The following BTBD16 variants were observed in gnomAD, a reference collection of about 807,000 sequenced individuals.
BTBD16 encodes the protein BTB/POZ domain-containing protein 16.
A neutral mutation model predicts 67.4 loss-of-function variants in BTBD16; 66 were observed. That is an observed-to-expected ratio of 0.98 (90% CI 0.80 to 1.20). BTBD16 has a LOEUF of 1.20. BTBD16 is among the 50% of genes most tolerant of loss of function. BTBD16 has a pLI of 0.00. For missense variants in BTBD16, 634 were observed against 616.0 expected (o/e 1.03, Z -0.31); for synonymous variants, 242 against 236.4 (o/e 1.02, Z -0.22).
chr10:122,335,020 C>A, intron 14 of BTBD16, 41 bp downstream of exon 14: 1 of 948,114 alleles, frequency 1.1e-6, no homozygotes, highest in Non-Finnish European at 1.6e-6. Context: ...CTGAGACAGT[C>A]TTTTAGAGTT....
In BTBD16 at chr10:122,301,707, A is replaced by G. The variant is rs373617372; in HGVS notation, c.791+2573A>G. 3.9e-5 allele frequency among the ~76,000 whole-genome samples: 6 copies of G among 152,320 alleles called. No individual in the cohort carries two copies. In the East Asian group the frequency reaches 1.2e-3, roughly 29 times the overall value. On this transcript the variant is annotated intron_variant, in intron 9 of 15. Coordinates refer to ENST00000260723, the MANE Select transcript of BTBD16 (RefSeq NM_144587.5). ...GCTGCTGGCCGGTGGATTTGGCACCATGACCCACAGCTGTTTCAGAATGCA... is the reference window on the plus strand; with the variant it reads ...GCTGCTGGCCGGTGGATTTGGCACCGTGACCCACAGCTGTTTCAGAATGCA...
At chr10:122,331,116 G>A in intron 11 of BTBD16, 60 bp from the exon 12 acceptor site, 1 of 1,572,340 alleles carries the variant, frequency 6.4e-7, no homozygotes, top group Non-Finnish European at 8.6e-7. Flanking sequence ...CTGTAAATGA[G>A]ACTTTTGAGG....
intron 7 of BTBD16, among the ~76,000 whole-genome samples, chr10:122,294,893 C>A (rs534831121): frequency 6.6e-6 from 1 of 152,370 alleles, no homozygotes; most frequent in African/African-American, 2.4e-5. Context: ...CCAAGCCCAG[C>A]TAGTGCTCCC....
intron 8 of BTBD16, among the ~76,000 whole-genome samples, chr10:122,298,365 C>T (rs1002481163): frequency 3.9e-5 from 6 of 152,142 alleles, no homozygotes; most frequent in Admixed American, 3.9e-4. Context: ...CTCCCATCAT[C>T]GCGTCCTCCC....
intron 12 of BTBD16, chr10:122,332,075 C>T (rs945308867): frequency 5.1e-5 from 10 of 195,732 alleles, no homozygotes; most frequent in African/African-American, 1.4e-4. Flanking sequence ...TCTCCAATTC[C>T]GCTCCCTCTC....
rs544900483 is a variant in BTBD16, at chr10:122,330,750, T to C, written c.1004-426T>C. 1.6e-4 allele frequency among the ~76,000 whole-genome samples: 25 copies of C among 152,278 alleles called. No homozygotes were observed. In the South Asian group the frequency reaches 4.8e-3, roughly 29 times the overall value. ...TTTGTTTTGTTTTGTTTTTTTGAGA[T>C]GGAGTTTCACTCTGTCCCCCAAGGC... is the stretch of plus-strand genomic sequence containing the variant. On this transcript the variant is annotated intron_variant, in intron 11 of 15. Coordinates refer to ENST00000260723, the MANE Select transcript of BTBD16 (RefSeq NM_144587.5).
chr10:122,277,257 A>C (rs2096342851), intron 3 of BTBD16, among the ~76,000 whole-genome samples: 1 of 149,902 alleles, frequency 6.7e-6, no homozygotes, highest in African/African-American at 2.5e-5. Flanking sequence ...TTTTTTGACA[A>C]ACAAAACTTA....
Position 122,289,964 on chromosome 10 carries a change from C to T in BTBD16, c.441C>T (p.Ser147=). 1.9e-6 allele frequency: 3 copies of T among 1,613,670 alleles called. No individual in the cohort carries two copies. Among genetic ancestry groups the T allele is most frequent in the Non-Finnish European group, 1.7e-6 (2 of 1,179,792 alleles). The change falls in exon 6 of 16, where the codon TCC becomes TCT. Residue 147 remains serine, a synonymous_variant. Transcript: ENST00000260723. ...EKSPAKRIII[S]LKINDPLVTK... ...CCCCTGCAAAGAGGATCATCATTTC[C>T]TTGAAGATCAATGACCCACTGGTCA...
intron 3 of BTBD16, among the ~76,000 whole-genome samples, chr10:122,279,879 C>T (rs1212256870): frequency 6.6e-6 from 1 of 152,126 alleles, no homozygotes; most frequent in Non-Finnish European, 1.5e-5. Flanking sequence ...TCTTGAGTTA[C>T]GGAAAGGGTC....
chr10:122,309,650 A>T (rs998612464), intron 10 of BTBD16, among the ~76,000 whole-genome samples: 1 of 151,818 alleles, frequency 6.6e-6, no homozygotes, highest in Non-Finnish European at 1.5e-5. Flanking sequence ...GCCTAAAATT[A>T]TTATTTGTAG....
intron 10 of BTBD16, among the ~76,000 whole-genome samples, chr10:122,313,608 T>C (rs991587828): frequency 1.3e-5 from 2 of 152,218 alleles, no homozygotes; most frequent in African/African-American, 4.8e-5. Flanking sequence ...CAGTGCCATG[T>C]GGATATTCTC....
chr10:122,324,637 T>C (rs2096441203), intron 10 of BTBD16, among the ~76,000 whole-genome samples: 1 of 152,186 alleles, frequency 6.6e-6, no homozygotes, highest in African/African-American at 2.4e-5. Flanking sequence ...GGGAGGTTGG[T>C]ATATTCTGGG....
At chr10:122,314,760 G>C (rs1057114165) in intron 10 of BTBD16, among the ~76,000 whole-genome samples, 12 of 151,934 alleles carry the variant, frequency 7.9e-5, no homozygotes, top group Admixed American at 7.2e-4. Context: ...ACATTCTCTT[G>C]TATGTTTTCT....
At chr10:122,298,283 C>A (rs941309497) in intron 8 of BTBD16, among the ~76,000 whole-genome samples, 1 of 152,166 alleles carries the variant, frequency 6.6e-6, no homozygotes, top group East Asian at 1.9e-4. Flanking sequence ...AAAGCCCAGG[C>A]CTCCTGACTT....
chr10:122,336,732 C>T, intron 15 of BTBD16, 50 bp downstream of exon 15: 4 of 1,477,160 alleles, frequency 2.7e-6, no homozygotes, highest in Non-Finnish European at 3.6e-6. Flanking sequence ...CTCTTTCTCT[C>T]CCCCATCCTT....
intron 10 of BTBD16, among the ~76,000 whole-genome samples, chr10:122,314,359 C>T (rs1200719343): frequency 6.6e-6 from 1 of 152,028 alleles, no homozygotes; most frequent in African/African-American, 2.4e-5. Flanking sequence ...AAAAAATTAG[C>T]TGGGCATGGT....
chr10:122,292,522 C>T (rs17103355), intron 7 of BTBD16, among the ~76,000 whole-genome samples: 2,311 of 152,352 alleles, frequency 0.015, 57 homozygotes, highest in African/African-American at 0.053. Context: ...TTCCACTTCG[C>T]TTGGGTGAGG....
At chr10:122,297,143 G>A (rs187082141) in intron 7 of BTBD16, among the ~76,000 whole-genome samples, 6 of 152,338 alleles carry the variant, frequency 3.9e-5, no homozygotes, top group Admixed American at 1.3e-4. Context: ...TAACATGACT[G>A]CCAAATGTGG....
intron 10 of BTBD16, chr10:122,328,900 T>C: frequency 2.3e-6 from 2 of 866,028 alleles, no homozygotes; most frequent in Admixed American, 6.2e-5. Flanking sequence ...ATAGCAGAAC[T>C]GATCCTGAAA....
Sources: gnomAD v4.1 joint callset for allele counts (sites outside exome capture counted in the v4.1 genomes callset) on GRCh38, gnomAD v4.1.1 for gene constraint, MANE v1.5 for transcripts, NCBI Gene and HGNC (gene_info 2026-07-23, HGNC 2026-07-21) for gene names.